The following WIPF2 variants were observed in gnomAD, a reference collection of about 807,000 sequenced individuals.
WIPF2 encodes the protein WAS/WASL-interacting protein family member 2.
WIPF2 carries 23 observed loss-of-function variants against 38.8 expected under a neutral mutation model. That is an observed-to-expected ratio of 0.59 (90% CI 0.43 to 0.84). WIPF2 has a LOEUF of 0.84. WIPF2 is among the 40% of genes least tolerant of loss of function. The pLI is 0.00. For synonymous variants in WIPF2, 210 were observed against 223.2 expected (o/e 0.94, Z 0.53); for missense variants, 574 against 580.5 (o/e 0.99, Z 0.11).
chr17:40,256,526 G>C lies in WIPF2; in HGVS notation c.63+4G>C. The C allele has an allele frequency of 6.2e-7, 1 of 1,603,702 alleles. No individual in the cohort carries two copies. The highest frequency in any genetic ancestry group is 8.5e-7 in the Non-Finnish European group (1 of 1,176,072). On this transcript the variant is annotated splice_donor_region_variant and intron_variant, in intron 2 of 7. Transcript: ENST00000323571. ...TCCACCTCCCACATTTCATCAGGTA[G>C]GTAGTCCTTCCATTAGGCTATCTCA... is the stretch of plus-strand genomic sequence containing the variant.
rs1240705347 is a variant in WIPF2, at chr17:40,264,479, T to C, written c.314-11T>C. 3.1e-6 allele frequency: 5 copies of C among 1,614,072 alleles called. No individual in the cohort carries two copies. Among genetic ancestry groups the C allele is most frequent in the Non-Finnish European group, 4.2e-6 (5 of 1,179,958 alleles). ...AGCTCTGTTGACCCTGTGTTGTCTA[T>C]GTATTTGTAGAGAACCTAGCTGGTA... is the stretch of plus-strand genomic sequence containing the variant. On this transcript the variant is annotated splice_polypyrimidine_tract_variant and intron_variant, in intron 4 of 7. Coordinates refer to ENST00000323571, the MANE Select transcript of WIPF2 (RefSeq NM_133264.5).
intron 5 of WIPF2, among the ~76,000 whole-genome samples, chr17:40,270,314 C>T (rs932141682): frequency 5.4e-5 from 8 of 147,776 alleles, no homozygotes; most frequent in South Asian, 2.1e-4. Flanking sequence ...TGCAGTAAGC[C>T]GAGATCGTGC....
chr17:40,265,895 C>G (rs973573446), intron 5 of WIPF2, among the ~76,000 whole-genome samples: 1 of 152,110 alleles, frequency 6.6e-6, no homozygotes, highest in African/African-American at 2.4e-5. Flanking sequence ...TGGGCTGTTG[C>G]AGTAAACGGC....
At chr17:40,239,270 A>C (rs1038305413) in intron 1 of WIPF2, among the ~76,000 whole-genome samples, 1 of 151,394 alleles carries the variant, frequency 6.6e-6, no homozygotes, top group Non-Finnish European at 1.5e-5. Context: ...ACGGGGTTTC[A>C]CTGTGTTAGC....
In WIPF2 at chr17:40,275,240, C is replaced by CAA. The variant is rs58914738; in HGVS notation, c.1180+1261_1180+1262dup. Among the ~76,000 whole-genome samples, 104 of 59,424 alleles carry CAA rather than the reference C, an allele frequency of 1.8e-3. No homozygotes were observed. In the Middle Eastern group the frequency reaches 0.023, roughly 13 times the overall value. 39.0% of individuals were successfully genotyped at this position (59,424 alleles called of 152,430 possible). ...TGGGTGACAGAGCAAGACTCCGTCT[C>CAA]AAAAAAAAAAAAAAAAAAAAACAAA... On this transcript the variant is annotated intron_variant, in intron 6 of 7. Coordinates refer to ENST00000323571, the MANE Select transcript of WIPF2 (RefSeq NM_133264.5).
At chr17:40,230,155 T>C (rs575545371) in intron 1 of WIPF2, among the ~76,000 whole-genome samples, 13 of 152,176 alleles carry the variant, frequency 8.5e-5, no homozygotes, top group Non-Finnish European at 1.6e-4. Flanking sequence ...CTGGGCAACA[T>C]AGGGAGACCC....
At chr17:40,234,839 C>T (rs1029641389) in intron 1 of WIPF2, among the ~76,000 whole-genome samples, 2 of 152,082 alleles carry the variant, frequency 1.3e-5, no homozygotes, top group African/African-American at 2.4e-5. Flanking sequence ...GCCATCTGTC[C>T]GAGGCCACGC....
chr17:40,229,089 G>A (rs979627682), intron 1 of WIPF2, among the ~76,000 whole-genome samples: 7 of 151,738 alleles, frequency 4.6e-5, no homozygotes, highest in African/African-American at 1.7e-4. Flanking sequence ...TTGTAGAGGT[G>A]GGGCTTTGCC....
At chr17:40,256,096 TAAAAAAAAAAAAA>T (rs892748332) in intron 1 of WIPF2, among the ~76,000 whole-genome samples, 13 of 96,970 alleles carry the variant, frequency 1.3e-4, no homozygotes, top group Middle Eastern at 5.9e-3. Context: ...CCAGGGTCTT[TAAAAAAAAAAAAA>T]AAAAAAAAAA....
intron 1 of WIPF2, among the ~76,000 whole-genome samples, chr17:40,247,344 A>G (rs1398475102): frequency 1.4e-5 from 2 of 147,928 alleles, no homozygotes; most frequent in African/African-American, 5.0e-5. Flanking sequence ...CAGCCTCCCA[A>G]GGTAGCTAGG....
intron 5 of WIPF2, 102 bp from the exon 6 acceptor site, chr17:40,273,688 G>A (rs550803259): frequency 8.2e-6 from 6 of 727,442 alleles, no homozygotes; most frequent in Non-Finnish European, 1.5e-5. Flanking sequence ...GGCACTGTGA[G>A]CCTCTGTGGG....
At chr17:40,228,587 TAGGGGATGC>T in intron 1 of WIPF2, among the ~76,000 whole-genome samples, 1 of 151,612 alleles carries the variant, frequency 6.6e-6, no homozygotes, top group Non-Finnish European at 1.5e-5. Flanking sequence ...AGTACTGTGG[TAGGGGATGC>T]AGGGGATGCA....
chr17:40,246,160 C>T (rs2031355472), intron 1 of WIPF2, among the ~76,000 whole-genome samples: 1 of 150,220 alleles, frequency 6.7e-6, no homozygotes, highest in South Asian at 2.1e-4. Flanking sequence ...GATCTCGGCT[C>T]ACTGCAACAC....
intron 3 of WIPF2, among the ~76,000 whole-genome samples, chr17:40,261,668 GT>G (rs1225742278): frequency 3.1e-4 from 36 of 117,416 alleles, no homozygotes; most frequent in Non-Finnish European, 3.5e-4. Flanking sequence ...TGTTGTTGTT[GT>G]TTTTTTTTTT....
At position 40,219,360 on chromosome 17, in the gene WIPF2, AG is replaced by A; in HGVS notation, c.-198del. 1 of 359,934 alleles carries A rather than the reference AG, an allele frequency of 2.8e-6. No homozygotes were observed. Among genetic ancestry groups the A allele is most frequent in the Non-Finnish European group, 5.2e-6 (1 of 190,996 alleles). The allele number at this position is 359,934 out of a possible 1,614,324, so 22.3% of individuals were successfully genotyped here. ...GCAGATCCATTTCCGGGTTGGCAAA[AG>A]GGGCGGTGGCGGCGGCGGCGGCGGC... On this transcript the variant is annotated 5_prime_UTR_variant, in exon 1 of 8. Coordinates refer to ENST00000323571, the MANE Select transcript of WIPF2 (RefSeq NM_133264.5).
chr17:40,235,504 A>G (rs896599070), intron 1 of WIPF2, among the ~76,000 whole-genome samples: 7 of 150,768 alleles, frequency 4.6e-5, no homozygotes, highest in Non-Finnish European at 8.8e-5. Flanking sequence ...TCTTCTCATC[A>G]TTGAAGCACA....
rs201690626 is a variant in WIPF2 at position 40,264,613 on chromosome 17, C to T, written c.437C>T (p.Pro146Leu). ...DDTDSSRASL[P>L]ELPRMQRPSL... is the part of the protein sequence containing the mutation. ...ACAGACAGCAGCCGGGCCTCACTCC[C>T]AGAACTGCCCCGGATGCAGAGACCC... Residue 146 changes from proline (P) to leucine (L), a missense_variant, in exon 5 of 8, where the codon CCA becomes CTA. Transcript: ENST00000323571. The T allele has an allele frequency of 1.2e-5, 19 of 1,614,162 alleles. No homozygotes were observed. In the East Asian group the frequency reaches 3.8e-4, roughly 32 times the overall value.
chr17:40,239,497 A>C (rs1032958232), intron 1 of WIPF2, among the ~76,000 whole-genome samples: 2 of 152,024 alleles, frequency 1.3e-5, no homozygotes, highest in African/African-American at 4.8e-5. Flanking sequence ...TCCCCTGCCT[A>C]GAGAGTATAA....
intron 5 of WIPF2, 31 bp from the exon 6 acceptor site, chr17:40,273,759 C>T: frequency 6.7e-7 from 1 of 1,496,298 alleles, no homozygotes; most frequent in Non-Finnish European, 9.3e-7. Flanking sequence ...TCTCCACATC[C>T]AAACCTAACT....
Sources: allele counts gnomAD v4.1 joint callset (sites outside exome capture counted in the v4.1 genomes callset), GRCh38; gene constraint gnomAD v4.1.1; transcripts MANE v1.5; gene names NCBI Gene and HGNC (gene_info 2026-07-23, HGNC 2026-07-21).